FBXO15: variants seen among roughly 807,000 people sequenced by gnomAD.
FBXO15 encodes F-box protein 15.
Under a neutral mutation model 49.5 loss-of-function variants are expected in FBXO15, and 30 were observed. That is an observed-to-expected ratio of 0.61 (90% CI 0.45 to 0.82). FBXO15 has a LOEUF of 0.82. FBXO15 is among the 40% of genes least tolerant of loss of function. FBXO15 has a pLI of 0.00. For synonymous variants in FBXO15, 250 were observed against 232.7 expected, an observed-to-expected ratio of 1.07 and a Z score of -0.68; for missense variants, 591 against 631.5, an observed-to-expected ratio of 0.94 and a Z score of 0.69.
rs1599130507 is a variant in FBXO15, at chr18:74,079,035, C to T, written c.1263+2892G>A. Among the ~76,000 whole-genome samples the T allele has an allele frequency of 3.9e-5, 6 of 152,302 alleles. No individual in the cohort carries two copies. In the South Asian group the frequency reaches 1.0e-3, roughly 26 times the overall value. On this transcript the variant is annotated intron_variant, in intron 9 of 9. Coordinates refer to ENST00000419743, the MANE Select transcript of FBXO15 (RefSeq NM_001142958.2). ...CCACAGCAGGCTCTACTGAACTCAGCTGTTCTTACATAAAGCAGAACCACA... is the reference window on the plus strand; with the variant it reads ...CCACAGCAGGCTCTACTGAACTCAGTTGTTCTTACATAAAGCAGAACCACA...
chr18:74,107,648 A>G (rs1913830406), intron 8 of FBXO15, among the ~76,000 whole-genome samples: 1 of 152,184 alleles, frequency 6.6e-6, no homozygotes, highest in Non-Finnish European at 1.5e-5. Flanking sequence ...CAGTGTGGGC[A>G]AGTCTGAGAG....
intron 3 of FBXO15, 71 bp downstream of exon 3, chr18:74,135,691 A>G (rs1978671327): frequency 4.1e-6 from 5 of 1,208,310 alleles, no homozygotes; most frequent in Non-Finnish European, 4.7e-6. Flanking sequence ...AAATGGTTAA[A>G]AAGTTACTAG....
At chr18:74,109,601 T>C (rs946452900) in intron 8 of FBXO15, among the ~76,000 whole-genome samples, 1 of 152,128 alleles carries the variant, frequency 6.6e-6, no homozygotes, top group Non-Finnish European at 1.5e-5. Context: ...AATCATAGAC[T>C]GGATTAAGAA....
chr18:74,123,486 G>A lies in FBXO15; in HGVS notation c.1020C>T (p.Ser340=), dbSNP rs1406883762. ...ATIPYELPPH[S]PFLDDSPEYG... ...ACTCGGGGCTATCATCCAAAAAGGG[G>A]CTATGTGGAGGCAGTTCATAGGGGC... is the stretch of plus-strand genomic sequence containing the variant. The change falls in exon 8 of 10, where the codon AGC becomes AGT. Residue 340 remains serine, a synonymous_variant. Transcript: ENST00000419743. 6.2e-7 allele frequency: 1 copy of A among 1,612,820 alleles called. No homozygotes were observed. The highest frequency in any genetic ancestry group is 8.5e-7 in the Non-Finnish European group (1 of 1,179,606).
intron 4 of FBXO15, 79 bp downstream of exon 4, chr18:74,130,337 A>C (rs1371212787): frequency 1.9e-6 from 3 of 1,546,506 alleles, no homozygotes; most frequent in Non-Finnish European, 2.6e-6. Flanking sequence ...AGTCCCACAC[A>C]ATCTAAACTG....
chr18:74,104,340 A>G (rs2145151244), intron 8 of FBXO15, among the ~76,000 whole-genome samples: 1 of 152,300 alleles, frequency 6.6e-6, no homozygotes, highest in Admixed American at 6.5e-5. Flanking sequence ...CAGATAATAT[A>G]ACAACAAAAA....
intron 2 of FBXO15, 78 bp from the exon 3 acceptor site, chr18:74,135,944 G>A: frequency 8.5e-7 from 1 of 1,171,652 alleles, no homozygotes; most frequent in Non-Finnish European, 1.2e-6. Context: ...GAAAACAACT[G>A]GCTGCTCATC....
At chr18:74,093,168 G>A (rs1913122423) in intron 8 of FBXO15, among the ~76,000 whole-genome samples, 1 of 147,370 alleles carries the variant, frequency 6.8e-6, no homozygotes, top group South Asian at 2.2e-4. Context: ...GTGTGCTCAT[G>A]CCAGCAGCAA....
chr18:74,112,860 A>G (rs1216895577), intron 8 of FBXO15, among the ~76,000 whole-genome samples: 2 of 152,244 alleles, frequency 1.3e-5, no homozygotes, highest in Non-Finnish European at 2.9e-5. Flanking sequence ...GCTGTTAGTG[A>G]TGCAAAATGC....
At chr18:74,125,928 A>AT in intron 6 of FBXO15, 47 bp downstream of exon 6, 1 of 1,605,036 alleles carries the variant, frequency 6.2e-7, no homozygotes, top group Non-Finnish European at 8.5e-7. Flanking sequence ...TAAATGTGGT[A>AT]TTGTGATGGG....
In FBXO15 at chr18:74,124,484, C is replaced by T; in HGVS notation, c.995+5G>A. 6.2e-7 allele frequency: 1 copy of T among 1,612,640 alleles called. No homozygotes were observed. Among genetic ancestry groups the T allele is most frequent in the Non-Finnish European group, 8.5e-7 (1 of 1,178,896 alleles). The stretch of plus-strand genomic sequence containing the variant: ...AATTCAACACACCCACATATAAATA[C>T]ATACATAGTAGCCGAGCCTAATGTG... On this transcript the variant is annotated splice_donor_5th_base_variant and intron_variant, in intron 7 of 9. Transcript: ENST00000419743.
intron 8 of FBXO15, among the ~76,000 whole-genome samples, chr18:74,082,813 C>T (rs1192174760): frequency 6.6e-6 from 1 of 152,200 alleles, no homozygotes. Flanking sequence ...ACAACTCATA[C>T]CCGAGAATTC....
chr18:74,130,526 C>T lies in FBXO15; in HGVS notation c.465G>A (p.Lys155=), dbSNP rs761236311. Residue 155 remains lysine, a synonymous_variant, in exon 4 of 10, where the codon AAG becomes AAA. Transcript: ENST00000419743. The part of the protein sequence containing the change: ...SVQDKEAGYW[K]KEYITKQIAS... ...CTATTTGTTTTGTGATATATTCTTT[C>T]TTCCAATAACCAGCTTCTTTATCCT... 1.2e-6 allele frequency: 2 copies of T among 1,614,126 alleles called. No individual in the cohort carries two copies. Among genetic ancestry groups the T allele is most frequent in the South Asian group, 2.2e-5 (2 of 91,064 alleles).
chr18:74,109,211 G>A (rs190095704), intron 8 of FBXO15, among the ~76,000 whole-genome samples: 1 of 152,230 alleles, frequency 6.6e-6, no homozygotes, highest in East Asian at 1.9e-4. Flanking sequence ...CATTTATACA[G>A]CCAATAGACA....
chr18:74,147,637 C>G (rs1475262271), intron 1 of FBXO15, 33 bp downstream of exon 1: 2 of 1,380,372 alleles, frequency 1.4e-6, no homozygotes, highest in Admixed American at 6.7e-5. Flanking sequence ...GGGCTTCCCG[C>G]CAGGGGACCC....
chr18:74,084,609 A>T (rs1912659026), intron 8 of FBXO15, among the ~76,000 whole-genome samples: 1 of 152,234 alleles, frequency 6.6e-6, no homozygotes, highest in African/African-American at 2.4e-5. Flanking sequence ...TCCTTAAGTC[A>T]TTCAGAATAA....
chr18:74,121,948 T>C (rs1162766231), intron 8 of FBXO15, among the ~76,000 whole-genome samples: 4 of 152,172 alleles, frequency 2.6e-5, no homozygotes, highest in Admixed American at 1.3e-4. Context: ...GCCCTCCACT[T>C]GTAAGATAAA....
chr18:74,140,218 A>G lies in FBXO15; in HGVS notation c.211T>C (p.Ser71Pro), dbSNP rs1481677118. The G allele has an allele frequency of 3.2e-6, 5 of 1,551,186 alleles. No individual in the cohort carries two copies. The African/African-American group carries it at 5.5e-5, about 17-fold the overall frequency. Residue 71 changes from serine to proline, a missense_variant, in exon 2 of 10, where the codon TCT (serine) becomes CCT (proline). Coordinates refer to ENST00000419743, the MANE Select transcript of FBXO15 (RefSeq NM_001142958.2). ...GCTACTTACCCATCCAGGAACCCAG[A>G]ACAGCAGGAGAAAGAGCTCTCCCAG... ...QHWESSFSCC[S>P]GFLDGMPSEI...
chr18:74,139,190 G>A (rs939340675), intron 2 of FBXO15, among the ~76,000 whole-genome samples: 9 of 152,144 alleles, frequency 5.9e-5, no homozygotes, highest in Admixed American at 5.2e-4. Context: ...TGGACTGGGG[G>A]ATCCATTTGT....
Sources: gnomAD v4.1 joint callset for allele counts (sites outside exome capture counted in the v4.1 genomes callset) on GRCh38, gnomAD v4.1.1 for gene constraint, MANE v1.5 for transcripts, NCBI Gene and HGNC (gene_info 2026-07-23, HGNC 2026-07-21) for gene names.